Variants in ARHGEF26 observed in about 807,000 individuals in gnomAD.
The protein encoded by ARHGEF26 is Rho guanine nucleotide exchange factor 26, also known as Rho guanine nucleotide exchange factor (GEF) 26.
Under a neutral mutation model 89.4 loss-of-function variants are expected in ARHGEF26, and 59 were observed. The ratio of observed to expected loss-of-function variants is 0.66; its 90% CI spans 0.54 to 0.82. ARHGEF26 has a LOEUF of 0.82. ARHGEF26 is among the 40% of genes least tolerant of loss of function. The pLI is 0.00. For synonymous variants in ARHGEF26, 500 were observed against 428.4 expected (o/e 1.17, Z -2.06); for missense variants, 1,234 against 1,085.6 (o/e 1.14, Z -1.92).
At chr3:154,160,465 C>T (rs969898264) in intron 6 of ARHGEF26, among the ~76,000 whole-genome samples, 6 of 152,100 alleles carry the variant, frequency 3.9e-5, no homozygotes, top group African/African-American at 9.7e-5. Context: ...TATTCATTCT[C>T]TTCTAAAAAT....
chr3:154,170,941 C>T lies in ARHGEF26; in HGVS notation c.1488-16744C>T, dbSNP rs557117542. On this transcript the variant is annotated intron_variant, in intron 6 of 14. Coordinates refer to ENST00000465093, the MANE Select transcript of ARHGEF26 (RefSeq NM_015595.4). ...CTATTTCTGTAAATACCTGTTGGGA[C>T]GATTGATTTCTTTTTCTTCTTCAAG... is the stretch of plus-strand genomic sequence containing the variant. 7.9e-5 allele frequency among the ~76,000 whole-genome samples: 12 copies of T among 152,184 alleles called. No homozygotes were observed. The East Asian group carries it at 1.2e-3, about 15-fold the overall frequency.
chr3:154,168,986 GA>G (rs145410066), intron 6 of ARHGEF26, among the ~76,000 whole-genome samples: 12 of 146,624 alleles, frequency 8.2e-5, no homozygotes, highest in East Asian at 2.0e-4. Context: ...AGACTGTAGT[GA>G]AAAAAAAAAG....
chr3:154,166,452 C>T (rs77948709), intron 6 of ARHGEF26, among the ~76,000 whole-genome samples: 234 of 152,250 alleles, frequency 1.5e-3, no homozygotes, highest in African/African-American at 5.5e-3. Context: ...TGAGAGGGAA[C>T]GTTCATGCTC....
chr3:154,136,008 G>T (rs1236741450), intron 4 of ARHGEF26, among the ~76,000 whole-genome samples: 1 of 152,122 alleles, frequency 6.6e-6, no homozygotes, highest in Non-Finnish European at 1.5e-5. Context: ...CATGGGGTGC[G>T]TTTGTGTAAT....
At chr3:154,240,334 G>A in intron 11 of ARHGEF26, 36 bp from the exon 12 acceptor site, 4 of 1,512,232 alleles carry the variant, frequency 2.6e-6, no homozygotes, top group Middle Eastern at 2.0e-4. Context: ...CTTATCTGCT[G>A]AATAATTGAC....
chr3:154,255,289 CA>C, intron 14 of ARHGEF26, 41 bp from the exon 15 acceptor site: 1 of 1,594,076 alleles, frequency 6.3e-7, no homozygotes, highest in South Asian at 1.1e-5. Flanking sequence ...TGGCACACTC[CA>C]AATACTTGTT....
At chr3:154,127,624 G>A (rs1301780497) in intron 3 of ARHGEF26, among the ~76,000 whole-genome samples, 1 of 146,602 alleles carries the variant, frequency 6.8e-6, no homozygotes, top group African/African-American at 2.5e-5. Context: ...TTTTTGGTAA[G>A]TAGGAGTGCA....
intron 6 of ARHGEF26, among the ~76,000 whole-genome samples, chr3:154,158,077 G>A (rs1360070593): frequency 1.3e-5 from 2 of 152,072 alleles, no homozygotes; most frequent in Non-Finnish European, 2.9e-5. Context: ...TTAGTAGGTG[G>A]GGGCCAGGGT....
At chr3:154,202,074 T>C (rs1226917346) in intron 9 of ARHGEF26, among the ~76,000 whole-genome samples, 6 of 152,248 alleles carry the variant, frequency 3.9e-5, no homozygotes, top group Admixed American at 3.9e-4. Context: ...CATGAAGTCC[T>C]TGCCCATGCC....
rs1047260146 is a variant in ARHGEF26, at chr3:154,122,873, A to T, written c.881A>T (p.Glu294Val). 1 of 1,612,700 alleles carries T rather than the reference A, an allele frequency of 6.2e-7. No individual in the cohort carries two copies. Among genetic ancestry groups the T allele is most frequent in the African/African-American group, 1.3e-5 (1 of 74,922 alleles). ...GLGGPLGHAGEESEVDNDVDS... is the reference protein window; with the variant it reads ...GLGGPLGHAGVESEVDNDVDS... ...GGAGGACCCCTGGGTCACGCAGGGG[A>T]GGAGAGTGAGGTCGATAACGACGTG... The change falls in exon 2 of 15, where the codon GAG becomes GTG. Residue 294 changes from glutamate to valine, a missense_variant. Transcript: ENST00000465093.
At chr3:154,190,454 G>C (rs553684102) in intron 7 of ARHGEF26, among the ~76,000 whole-genome samples, 3 of 152,300 alleles carry the variant, frequency 2.0e-5, no homozygotes, top group African/African-American at 7.2e-5. Flanking sequence ...GCTGCAGTGA[G>C]CCGAGATTGT....
chr3:154,219,847 G>T (rs989371021), intron 10 of ARHGEF26, among the ~76,000 whole-genome samples: 29 of 151,888 alleles, frequency 1.9e-4, no homozygotes, highest in African/African-American at 7.0e-4. Flanking sequence ...CCGGGAGGCG[G>T]AGCTTGCAGT....
At position 154,257,769 on chromosome 3, in the gene ARHGEF26, G is replaced by C; in HGVS notation, c.*2296G>C. 1 of 152,124 alleles carries C rather than the reference G, an allele frequency of 6.6e-6. No homozygotes were observed. The highest frequency in any genetic ancestry group is 2.1e-4 in the South Asian group (1 of 4,826). 9.4% of individuals were successfully genotyped at this position (152,124 alleles called of 1,614,324 possible). A position where few individuals can be genotyped will look rare whatever the true frequency, so the allele number is the denominator to read the frequency against. ...GTTCATTTTTGTCCCAGTAAATTGA[G>C]ACTGCTTGTACACTTTCAGAAAAAT... On this transcript the variant is annotated 3_prime_UTR_variant, in exon 15 of 15. Transcript: ENST00000465093.
intron 6 of ARHGEF26, among the ~76,000 whole-genome samples, chr3:154,159,327 G>A: frequency 6.6e-6 from 1 of 151,940 alleles, no homozygotes; most frequent in East Asian, 1.9e-4. Context: ...GTATTCTTTG[G>A]AAAGCCATTT....
chr3:154,251,488 C>T (rs13065280), intron 12 of ARHGEF26, among the ~76,000 whole-genome samples: 31,968 of 152,080 alleles, frequency 0.21, 4,774 homozygotes, highest in African/African-American at 0.4. Context: ...GCCCCTGTTA[C>T]GTGTTGGGCA....
intron 10 of ARHGEF26, among the ~76,000 whole-genome samples, chr3:154,218,984 G>A (rs1264057201): frequency 1.3e-5 from 2 of 152,168 alleles, no homozygotes; most frequent in Non-Finnish European, 2.9e-5. Context: ...TGGTTTAGAT[G>A]CAGAAACACA....
intron 9 of ARHGEF26, among the ~76,000 whole-genome samples, chr3:154,215,857 G>A (rs1224485648): frequency 6.6e-6 from 1 of 152,068 alleles, no homozygotes; most frequent in African/African-American, 2.4e-5. Context: ...TCACACTGAG[G>A]TTAGGATTTC....
chr3:154,208,746 T>C (rs1715183835), intron 9 of ARHGEF26, among the ~76,000 whole-genome samples: 1 of 151,360 alleles, frequency 6.6e-6, no homozygotes, highest in African/African-American at 2.4e-5. Flanking sequence ...TGGTGCAGTA[T>C]TCAGTATGCC....
chr3:154,235,476 A>G (rs1007821730), intron 11 of ARHGEF26, among the ~76,000 whole-genome samples: 2 of 152,216 alleles, frequency 1.3e-5, no homozygotes, highest in Admixed American at 6.5e-5. Context: ...ACTTGGTAGT[A>G]TATTTTCAGT....
Sources: gnomAD v4.1 joint callset for allele counts (sites outside exome capture counted in the v4.1 genomes callset) on GRCh38, gnomAD v4.1.1 for gene constraint, MANE v1.5 for transcripts, NCBI Gene and HGNC (gene_info 2026-07-23, HGNC 2026-07-21) for gene names.